TBC1D14: variants seen among roughly 807,000 people sequenced by gnomAD.
The protein encoded by TBC1D14 is TBC1 domain family, member 14.
A neutral mutation model predicts 79.0 loss-of-function variants in TBC1D14; 26 were observed. That is an observed-to-expected ratio of 0.33 (90% CI 0.24 to 0.46). TBC1D14 has a LOEUF of 0.46. Ranked by LOEUF, TBC1D14 falls within the 20% of genes least tolerant of loss-of-function variation. TBC1D14 has a pLI of 1.00. For missense variants in TBC1D14, 769 were observed against 887.6 expected (o/e 0.87, Z 1.70); for synonymous variants, 394 against 349.9 (o/e 1.13, Z -1.40).
At position 7,006,656 on chromosome 4, in the gene TBC1D14, G is replaced by A. The variant is rs749500212; in HGVS notation, c.1376G>A (p.Arg459Lys). ...NEDAGFSAAD[R>K]EASLELIKLD... ...GATGCTGGTTTTTCAGCAGCAGACA[G>A]AGAAGCCAGTCTGGAGCTTATTAAA... The change falls in exon 9 of 14, where the codon AGA becomes AAA. Residue 459 changes from arginine to lysine, a missense_variant. This residue lies in a region of TBC1D14 where 367 missense variants were observed against 494.4 expected (regional missense o/e 0.74). Transcript: ENST00000409757. 1.9e-6 allele frequency: 3 copies of A among 1,613,902 alleles called. No individual in the cohort carries two copies. The African/African-American group carries it at 4.0e-5, about 22-fold the overall frequency.
At chr4:6,927,641 G>A (rs1724396931) in intron 2 of TBC1D14, among the ~76,000 whole-genome samples, 1 of 152,310 alleles carries the variant, frequency 6.6e-6, no homozygotes, top group East Asian at 1.9e-4. Flanking sequence ...ATGTTTTGGG[G>A]TAGATGCGTC....
intron 3 of TBC1D14, among the ~76,000 whole-genome samples, chr4:6,981,579 A>T (rs186567289): frequency 6.6e-6 from 1 of 152,364 alleles, no homozygotes; most frequent in Non-Finnish European, 1.5e-5. Flanking sequence ...CAGTACCAAA[A>T]AAACTACAGG....
At chr4:6,923,343 C>T in intron 1 of TBC1D14, 30 bp from the exon 2 acceptor site, 1 of 1,556,472 alleles carries the variant, frequency 6.4e-7, no homozygotes, top group Non-Finnish European at 8.7e-7. Flanking sequence ...TTTATATCCA[C>T]TTTAATTTCC....
At chr4:7,010,325 A>C (rs1720623998) in intron 10 of TBC1D14, among the ~76,000 whole-genome samples, 1 of 152,286 alleles carries the variant, frequency 6.6e-6, no homozygotes, top group Middle Eastern at 3.4e-3. Context: ...GCTTATTGAG[A>C]TAGATAACAC....
chr4:6,950,858 G>A (rs1345094877), intron 2 of TBC1D14, among the ~76,000 whole-genome samples: 2 of 152,174 alleles, frequency 1.3e-5, no homozygotes, highest in East Asian at 3.8e-4. Flanking sequence ...GGTATGGGCT[G>A]TAATTTTCCT....
In TBC1D14 at chr4:6,950,560, C is replaced by G. The variant is rs1473021733; in HGVS notation, c.723-16744C>G. ...GCCATAGGATACCTTTTATCAGATA[C>G]CTTACTCTTTATTAGATACCTTTAT... On this transcript the variant is annotated intron_variant, in intron 2 of 13. Coordinates refer to ENST00000409757, the MANE Select transcript of TBC1D14 (RefSeq NM_020773.3). 2.1e-5 allele frequency among the ~76,000 whole-genome samples: 3 copies of G among 140,634 alleles called. No homozygotes were observed. The Admixed American group carries it at 2.3e-4, about 11-fold the overall frequency. 92.3% of individuals were successfully genotyped at this position (140,634 alleles called of 152,430 possible). A position where few individuals can be genotyped will look rare whatever the true frequency, so the allele number is the denominator to read the frequency against.
At chr4:6,930,561 G>A (rs965164808) in intron 2 of TBC1D14, among the ~76,000 whole-genome samples, 5 of 152,208 alleles carry the variant, frequency 3.3e-5, no homozygotes, top group African/African-American at 1.2e-4. Flanking sequence ...ACTTTGGGAG[G>A]CTGAGGCGGG....
At chr4:6,988,299 T>C (rs1718092726) in intron 3 of TBC1D14, among the ~76,000 whole-genome samples, 1 of 152,246 alleles carries the variant, frequency 6.6e-6, no homozygotes, top group South Asian at 2.1e-4. Context: ...AATTTCATAG[T>C]ATATAGTGAC....
intron 2 of TBC1D14, among the ~76,000 whole-genome samples, chr4:6,951,973 G>A (rs1714083710): frequency 6.6e-6 from 1 of 152,166 alleles, no homozygotes; most frequent in African/African-American, 2.4e-5. Context: ...GACTGGCGAT[G>A]AGGCGGCAGG....
chr4:7,030,224 G>A (rs2108764642), intron 13 of TBC1D14, 103 bp from the exon 14 acceptor site: 2 of 1,081,116 alleles, frequency 1.8e-6, no homozygotes, highest in East Asian at 2.4e-5. Context: ...GAAGTGGGGA[G>A]CCGGGGGACC....
rs1188602003 is a variant in TBC1D14 at position 6,909,842 on chromosome 4, C to G, written c.-127C>G. 9 of 148,382 alleles carry G rather than the reference C, an allele frequency of 6.1e-5. No individual in the cohort carries two copies. Among genetic ancestry groups the G allele is most frequent in the African/African-American group, 2.2e-4 (9 of 41,188 alleles). 9.2% of individuals were successfully genotyped at this position (148,382 alleles called of 1,614,324 possible). On this transcript the variant is annotated 5_prime_UTR_variant, in exon 1 of 14. Coordinates refer to ENST00000409757, the MANE Select transcript of TBC1D14 (RefSeq NM_020773.3). ...CTCGCGCGCACCTGCGGGTCGGACCCGCTGCCTACCGCGTGCCCGGCGTCC... is the reference window on the plus strand; with the variant it reads ...CTCGCGCGCACCTGCGGGTCGGACCGGCTGCCTACCGCGTGCCCGGCGTCC...
intron 2 of TBC1D14, chr4:6,954,210 G>A (rs1027263518): frequency 5.7e-6 from 4 of 705,464 alleles, no homozygotes; most frequent in Non-Finnish European, 7.9e-6. Context: ...GAGTTTCCCC[G>A]GGACTGTGGC....
chr4:6,989,677 C>T (rs768688941), intron 3 of TBC1D14, among the ~76,000 whole-genome samples: 1 of 152,178 alleles, frequency 6.6e-6, no homozygotes, highest in Non-Finnish European at 1.5e-5. Context: ...GCCAGGCCCG[C>T]GTGGTCCCTT....
intron 13 of TBC1D14, among the ~76,000 whole-genome samples, chr4:7,028,120 A>T (rs1722649899): frequency 6.7e-6 from 1 of 149,162 alleles, no homozygotes; most frequent in Non-Finnish European, 1.5e-5. Context: ...CACACACGTC[A>T]CCCCACACAT....
intron 2 of TBC1D14, among the ~76,000 whole-genome samples, chr4:6,938,267 C>A (rs551019086): frequency 4.6e-5 from 7 of 152,164 alleles, no homozygotes; most frequent in Non-Finnish European, 7.4e-5. Flanking sequence ...TGCCTGGTGG[C>A]CCCAGTGCTA....
At chr4:6,972,627 T>C (rs1293444029) in intron 3 of TBC1D14, among the ~76,000 whole-genome samples, 2 of 152,294 alleles carry the variant, frequency 1.3e-5, no homozygotes, top group East Asian at 3.9e-4. Flanking sequence ...TGTTGAGGCT[T>C]TTAGCAGTCT....
intron 12 of TBC1D14, among the ~76,000 whole-genome samples, chr4:7,017,393 G>A (rs1405031891): frequency 2.0e-5 from 3 of 152,092 alleles, no homozygotes; most frequent in South Asian, 4.1e-4. Flanking sequence ...GCTGGAGTCC[G>A]GACTCAAGTC....
chr4:6,944,863 C>T (rs1047765257), intron 2 of TBC1D14, among the ~76,000 whole-genome samples: 1 of 152,176 alleles, frequency 6.6e-6, no homozygotes, highest in African/African-American at 2.4e-5. Flanking sequence ...GGTGGCCTTC[C>T]GGGCATGCGT....
rs76163890 is a variant in TBC1D14, at chr4:6,931,357, G to T, written c.722+7246G>T. Among the ~76,000 whole-genome samples the T allele has an allele frequency of 3.2e-3, 485 of 152,312 alleles. 21 individuals are homozygous for T. In the East Asian group the frequency reaches 0.083, roughly 26 times the overall value. On this transcript the variant is annotated intron_variant, in intron 2 of 13. Transcript: ENST00000409757. The stretch of plus-strand genomic sequence containing the variant: ...TCCAGCCACTGGTTTACACAGCTGG[G>T]TTCTTACCAAGCATTGATTCAGCAC...
Sources: allele counts gnomAD v4.1 joint callset (sites outside exome capture counted in the v4.1 genomes callset), GRCh38; gene constraint gnomAD v4.1.1; regional missense constraint gnomAD v4.1.1; transcripts MANE v1.5; gene names NCBI Gene and HGNC (gene_info 2026-07-23, HGNC 2026-07-21).